Variants in UBE4A observed in about 807,000 individuals in gnomAD.
The protein encoded by UBE4A is ubiquitination factor E4A.
Under a neutral mutation model 117.9 loss-of-function variants are expected in UBE4A, and 48 were observed. The ratio of observed to expected loss-of-function variants is 0.41; its 90% CI spans 0.32 to 0.52. The LOEUF is 0.52. Among genes scored for constraint, UBE4A ranks in the 20% least tolerant of loss-of-function variants. UBE4A has a pLI of 0.33. For missense variants in UBE4A, 1,067 were observed against 1,296.3 expected (o/e 0.82, Z 2.72); for synonymous variants, 407 against 450.0 (o/e 0.90, Z 1.21).
intron 17 of UBE4A, 29 bp downstream of exon 17, chr11:118,389,934 G>A (rs1317615727): frequency 6.6e-7 from 1 of 1,513,190 alleles, no homozygotes; most frequent in Non-Finnish European, 9.0e-7. Flanking sequence ...TGTCAAGCCA[G>A]AGGGGATGCT....
At chr11:118,392,621 A>G (rs1445035149) in intron 18 of UBE4A, 117 bp from the exon 19 acceptor site, 1 of 958,430 alleles carries the variant, frequency 1.0e-6, no homozygotes, top group Non-Finnish European at 1.5e-6. Flanking sequence ...TGTCACTGTC[A>G]AGGGTTATTA....
intron 16 of UBE4A, 82 bp from the exon 17 acceptor site, chr11:118,389,643 A>C: frequency 7.9e-7 from 1 of 1,270,032 alleles, no homozygotes; most frequent in Non-Finnish European, 1.0e-6. Flanking sequence ...AGTAGTTCCC[A>C]GAGGTCTCCA....
At chr11:118,383,588 CAAAAAAAAAAA>C (rs11375309) in intron 13 of UBE4A, among the ~76,000 whole-genome samples, 2 of 54,232 alleles carry the variant, frequency 3.7e-5, no homozygotes, top group Non-Finnish European at 7.2e-5. Context: ...AAATCCCTCT[CAAAAAAAAAAA>C]AAAAAAAAAA....
intron 4 of UBE4A, among the ~76,000 whole-genome samples, chr11:118,371,188 T>G (rs1304574262): frequency 2.0e-5 from 3 of 152,248 alleles, no homozygotes; most frequent in African/African-American, 7.2e-5. Context: ...TAAGTCTGAA[T>G]GAGATCAGCA....
At chr11:118,366,287 A>G (rs1471741592) in intron 2 of UBE4A, among the ~76,000 whole-genome samples, 2 of 152,184 alleles carry the variant, frequency 1.3e-5, no homozygotes, top group South Asian at 4.1e-4. Context: ...ATTGTAGGGG[A>G]AAAAGCAGAG....
At chr11:118,381,269 C>A in intron 11 of UBE4A, 122 bp from the exon 12 acceptor site, 1 of 1,243,198 alleles carries the variant, frequency 8.0e-7, no homozygotes, top group East Asian at 2.4e-5. Flanking sequence ...ATCTCTAGTA[C>A]CAACAAAACA....
At chr11:118,375,332 A>C in intron 9 of UBE4A, 103 bp downstream of exon 9, 1 of 1,188,674 alleles carries the variant, frequency 8.4e-7, no homozygotes, top group East Asian at 2.9e-5. Context: ...TCTCAAAAAA[A>C]GATGAGGCAG....
intron 18 of UBE4A, 48 bp from the exon 19 acceptor site, chr11:118,392,690 T>G (rs372776518): frequency 1.3e-6 from 2 of 1,576,800 alleles, no homozygotes; most frequent in African/African-American, 2.7e-5. Flanking sequence ...CACGCTGAAT[T>G]CAGCTACACT....
chr11:118,390,027 T>C, intron 17 of UBE4A, 122 bp downstream of exon 17: 1 of 1,098,196 alleles, frequency 9.1e-7, no homozygotes, highest in African/African-American at 1.6e-5. Flanking sequence ...TCCTAGTTGC[T>C]TGATGAAGGA....
At chr11:118,392,937 A>G in intron 19 of UBE4A, 42 bp downstream of exon 19, 2 of 1,578,344 alleles carry the variant, frequency 1.3e-6, no homozygotes, top group Non-Finnish European at 1.7e-6. Flanking sequence ...ATATATATAT[A>G]TTAGTTTGCT....
chr11:118,369,756 C>T (rs1177738802), intron 4 of UBE4A, among the ~76,000 whole-genome samples: 3 of 151,640 alleles, frequency 2.0e-5, no homozygotes, highest in Non-Finnish European at 2.9e-5. Context: ...GCCACATGCC[C>T]AAATCTACCC....
chr11:118,379,619 A>C lies in UBE4A; in HGVS notation c.1745A>C (p.Gln582Pro). ...GCCATGACAGAGCCACAAATGCTACAAAACTGCCTAAACTTGCAGGTGTCC... is the reference window on the plus strand; with the variant it reads ...GCCATGACAGAGCCACAAATGCTACCAAACTGCCTAAACTTGCAGGTGTCC... The part of the protein sequence containing the change: ...KTAMTEPQML[Q>P]NCLNLQVSMA... Residue 582 changes from glutamine (Q) to proline (P), a missense_variant, in exon 11 of 20, where the codon CAA (glutamine) becomes CCA (proline). Physicochemically the swap from Gln to Pro is moderately conservative, Grantham distance 76. Coordinates refer to ENST00000252108, the MANE Select transcript of UBE4A (RefSeq NM_001204077.2). 1 of 1,614,236 alleles carries C rather than the reference A, an allele frequency of 6.2e-7. No homozygotes were observed. Among genetic ancestry groups the C allele is most frequent in the Non-Finnish European group, 8.5e-7 (1 of 1,180,040 alleles).
At chr11:118,368,857 A>AG in intron 3 of UBE4A, 53 bp downstream of exon 3, 1 of 1,588,970 alleles carries the variant, frequency 6.3e-7, no homozygotes, top group Non-Finnish European at 8.6e-7. Flanking sequence ...AGCTTGGGCT[A>AG]GGGGCTTGCT....
chr11:118,359,906 G>A (rs1179138768), intron 1 of UBE4A, among the ~76,000 whole-genome samples: 4 of 152,026 alleles, frequency 2.6e-5, no homozygotes, highest in Non-Finnish European at 5.9e-5. Context: ...CCCCATCTTT[G>A]CCAAGCCCCT....
intron 1 of UBE4A, among the ~76,000 whole-genome samples, chr11:118,364,095 A>G (rs1338724519): frequency 6.6e-6 from 1 of 151,884 alleles, no homozygotes; most frequent in East Asian, 1.9e-4. Flanking sequence ...GTCTCTTCCC[A>G]CCCTTTTCAG....
chr11:118,373,576 T>C lies in UBE4A; in HGVS notation c.1007T>C (p.Ile336Thr), dbSNP rs201668878. 212 of 1,614,044 alleles carry C rather than the reference T, an allele frequency of 1.3e-4. No individual in the cohort carries two copies. The highest frequency in any genetic ancestry group is 5.0e-4 in the Admixed American group (30 of 59,988). Residue 336 changes from isoleucine to threonine, a missense_variant, in exon 8 of 20, where the codon ATC becomes ACC. By Grantham distance (89) the Ile-to-Thr change is moderately conservative. Coordinates refer to ENST00000252108, the MANE Select transcript of UBE4A (RefSeq NM_001204077.2). ...QKTLLGVILS[I>T]SCLLKTPGVV... ...ACCTTGCTGGGAGTAATTCTGAGTA[T>C]CTCCTGCTTATTAAAGACTCCGGGT...
At chr11:118,380,140 T>C (rs922337399) in intron 11 of UBE4A, among the ~76,000 whole-genome samples, 103 of 65,384 alleles carry the variant, frequency 1.6e-3, no homozygotes, top group Admixed American at 2.9e-3. Context: ...TGTGCGTGTG[T>C]GTGTGTGTGT....
At position 118,396,776 on chromosome 11, in the gene UBE4A, A is replaced by C; in HGVS notation, c.*336A>C. ...ATTTCAACTACTAAAACTTCCCGCCACCCTGCTATTTCTCTTCCAATTACT... is the reference window on the plus strand; with the variant it reads ...ATTTCAACTACTAAAACTTCCCGCCCCCCTGCTATTTCTCTTCCAATTACT... On this transcript the variant is annotated 3_prime_UTR_variant, in exon 20 of 20. Coordinates refer to ENST00000252108, the MANE Select transcript of UBE4A (RefSeq NM_001204077.2). 1 of 200,634 alleles carries C rather than the reference A, an allele frequency of 5.0e-6. No individual in the cohort carries two copies. The highest frequency in any genetic ancestry group is 9.9e-6 in the Non-Finnish European group (1 of 101,342). The allele number at this position is 200,634 out of a possible 1,614,324, so 12.4% of individuals were successfully genotyped here. A position where few individuals can be genotyped will look rare whatever the true frequency, so the allele number is the denominator to read the frequency against.
intron 19 of UBE4A, 79 bp from the exon 20 acceptor site, chr11:118,396,235 C>A: frequency 6.6e-7 from 1 of 1,522,106 alleles, no homozygotes; most frequent in Admixed American, 2.3e-5. Context: ...TAAGATGCGA[C>A]GCCCAGGTGT....
Sources: allele counts gnomAD v4.1 joint callset (sites outside exome capture counted in the v4.1 genomes callset), GRCh38; gene constraint gnomAD v4.1.1; transcripts MANE v1.5; gene names NCBI Gene and HGNC (gene_info 2026-07-23, HGNC 2026-07-21).